Variants in FAM78B observed in about 807,000 individuals in gnomAD.
FAM78B encodes the protein family with sequence similarity 78 member B, also known as protein FAM78B.
In FAM78B, 10 loss-of-function variants were observed where a neutral mutation model predicts 20.0. That is an observed-to-expected ratio of 0.50 (90% CI 0.31 to 0.85). The LOEUF (loss-of-function observed/expected upper bound fraction) is 0.85, where lower values mean the gene tolerates loss of function less well. FAM78B is among the 40% of genes least tolerant of loss of function. The pLI is 0.05. For missense variants in FAM78B, 283 were observed against 345.0 expected, an observed-to-expected ratio of 0.82 and a Z score of 1.42; for synonymous variants, 135 against 132.8, an observed-to-expected ratio of 1.02 and a Z score of -0.12.
downstream of FAM78B, among the ~76,000 whole-genome samples, chr1:166,064,396 T>C (rs1330588162): frequency 6.6e-6 from 1 of 150,492 alleles, no homozygotes; most frequent in East Asian, 2.0e-4. Flanking sequence ...AATGCAGCTG[T>C]TCCTGGCTGG....
At position 166,156,793 on chromosome 1, in the gene FAM78B, T is replaced by C. The variant is rs140134686; in HGVS notation, c.263+9193A>G. ...ACAGCATGGCTCACATGCTCCAGCA[T>C]CACCCCACCCTCAAGTCCTTGGCTT... On this transcript the variant is annotated intron_variant, in intron 1 of 1. Transcript: ENST00000354422. Among the ~76,000 whole-genome samples, 591 of 152,112 alleles carry C rather than the reference T, an allele frequency of 3.9e-3. 2 individuals are homozygous for C. Among genetic ancestry groups the C allele is most frequent in the African/African-American group, 0.014 (568 of 41,510 alleles).
At chr1:166,056,877 C>T (rs74975395), downstream of FAM78B, among the ~76,000 whole-genome samples, 2,205 of 152,242 alleles carry the variant, frequency 0.014, 27 homozygotes, top group Non-Finnish European at 0.022. Context: ...TCCTAACCCC[C>T]ATGGTGATAG....
At chr1:166,120,335 C>A (rs998796310) in intron 1 of FAM78B, among the ~76,000 whole-genome samples, 3 of 152,184 alleles carry the variant, frequency 2.0e-5, no homozygotes, top group African/African-American at 7.2e-5. Flanking sequence ...CACATGTGTG[C>A]CTGTGTGCTT....
intron 1 of FAM78B, among the ~76,000 whole-genome samples, chr1:166,150,728 A>G (rs1349182492): frequency 1.3e-5 from 2 of 152,194 alleles, no homozygotes; most frequent in African/African-American, 2.4e-5. Flanking sequence ...AATATAGAAC[A>G]TTTGTACAAT....
chr1:166,084,237 A>ACACTCTCTCTCTCTCTCT (rs771421402), intron 1 of FAM78B, among the ~76,000 whole-genome samples: 6 of 125,418 alleles, frequency 4.8e-5, no homozygotes, highest in South Asian at 2.6e-4. Context: ...ACACACACAC[A>ACACTCTCTCTCTCTCTCT]CTCTCTCTCT....
intron 1 of FAM78B, among the ~76,000 whole-genome samples, chr1:166,095,314 G>C (rs1195349716): frequency 2.0e-5 from 3 of 152,096 alleles, no homozygotes; most frequent in African/African-American, 7.2e-5. Context: ...GGCAGCAGAA[G>C]AGTGCAAAGC....
At chr1:166,141,033 G>A (rs2101788757) in intron 1 of FAM78B, among the ~76,000 whole-genome samples, 1 of 152,340 alleles carries the variant, frequency 6.6e-6, no homozygotes, top group African/African-American at 2.4e-5. Context: ...CTATGTAAAC[G>A]AATGCAGCAC....
At chr1:166,165,847 G>A (rs1656350486) in intron 1 of FAM78B, 139 bp downstream of exon 1, 1 of 931,124 alleles carries the variant, frequency 1.1e-6, no homozygotes, top group African/African-American at 1.6e-5. Context: ...AGGGAGGAGG[G>A]AGGTGGGAGA....
intron 1 of FAM78B, among the ~76,000 whole-genome samples, chr1:166,092,903 T>A (rs1445631510): frequency 6.6e-6 from 1 of 152,350 alleles, no homozygotes; most frequent in Admixed American, 6.5e-5. Flanking sequence ...TAGGTGGATA[T>A]GATCATCATC....
intron 1 of FAM78B, among the ~76,000 whole-genome samples, chr1:166,071,157 T>C (rs1204616734): frequency 6.6e-6 from 1 of 152,214 alleles, no homozygotes; most frequent in African/African-American, 2.4e-5. Context: ...GAAATGATGG[T>C]TGAAATTCGA....
chr1:166,127,093 T>C (rs1654672302), intron 1 of FAM78B, among the ~76,000 whole-genome samples: 1 of 152,214 alleles, frequency 6.6e-6, no homozygotes, highest in Non-Finnish European at 1.5e-5. Flanking sequence ...ACATATAATG[T>C]TAAACTTTCT....
intron 1 of FAM78B, among the ~76,000 whole-genome samples, chr1:166,095,422 A>C (rs905000872): frequency 2.0e-5 from 3 of 152,164 alleles, no homozygotes; most frequent in Non-Finnish European, 2.9e-5. Flanking sequence ...TGGGCCAGGA[A>C]CCAGGACAGG....
intron 1 of FAM78B, among the ~76,000 whole-genome samples, chr1:166,128,916 CT>C (rs1654768733): frequency 6.6e-6 from 1 of 152,126 alleles, no homozygotes; most frequent in African/African-American, 2.4e-5. Context: ...ATCTCAATAT[CT>C]TAATTGTATA....
At chr1:166,118,135 A>G (rs1654327263) in intron 1 of FAM78B, among the ~76,000 whole-genome samples, 1 of 152,222 alleles carries the variant, frequency 6.6e-6, no homozygotes. Flanking sequence ...CACTGGGAGA[A>G]AGTTACACGG....
At chr1:166,108,896 A>G (rs886514571) in intron 1 of FAM78B, among the ~76,000 whole-genome samples, 1 of 152,182 alleles carries the variant, frequency 6.6e-6, no homozygotes, top group African/African-American at 2.4e-5. Flanking sequence ...AGCAAATAAA[A>G]ACATCCAGTG....
At chr1:166,078,449 T>G (rs1467863945) in intron 1 of FAM78B, among the ~76,000 whole-genome samples, 2 of 152,252 alleles carry the variant, frequency 1.3e-5, no homozygotes, top group African/African-American at 4.8e-5. Context: ...CTAATGGACT[T>G]GCCAATGGGC....
chr1:166,139,238 G>T (rs990931892), intron 1 of FAM78B, among the ~76,000 whole-genome samples: 1 of 152,128 alleles, frequency 6.6e-6, no homozygotes, highest in Non-Finnish European at 1.5e-5. Flanking sequence ...AAACTTTGTA[G>T]GCAAAACAAA....
downstream of FAM78B, among the ~76,000 whole-genome samples, chr1:166,056,777 TTC>T (rs1421369760): frequency 6.6e-6 from 1 of 152,254 alleles, no homozygotes; most frequent in African/African-American, 2.4e-5. Flanking sequence ...TTCTAGAATG[TTC>T]TCTTTCTCCC....
chr1:166,143,835 C>A (rs190887146), intron 1 of FAM78B, among the ~76,000 whole-genome samples: 6 of 152,226 alleles, frequency 3.9e-5, no homozygotes, highest in Admixed American at 3.9e-4. Flanking sequence ...CACGTGAGCC[C>A]CTGTGCCAAA....
Sources: allele counts gnomAD v4.1 joint callset (sites outside exome capture counted in the v4.1 genomes callset), GRCh38; gene constraint gnomAD v4.1.1; transcripts MANE v1.5; gene names NCBI Gene and HGNC (gene_info 2026-07-23, HGNC 2026-07-21).